The following GALNTL5 variants were observed in gnomAD, a reference collection of about 807,000 sequenced individuals.
GALNTL5 encodes polypeptide N-acetylgalactosaminyltransferase like 5.
Under a neutral mutation model 51.0 loss-of-function variants are expected in GALNTL5, and 44 were observed. The observed-to-expected ratio is 0.86, with a 90% CI of 0.68 to 1.11. The LOEUF (loss-of-function observed/expected upper bound fraction) is 1.11, where lower values mean the gene tolerates loss of function less well. Ranked by LOEUF, GALNTL5 falls within the 50% of genes least tolerant of loss-of-function variation. The pLI, the probability that GALNTL5 is intolerant of heterozygous loss-of-function variation, is 0.00. For synonymous variants in GALNTL5, 192 were observed against 182.8 expected (o/e 1.05, Z -0.41); for missense variants, 528 against 531.8 (o/e 0.99, Z 0.07).
rs145735293 is a variant in GALNTL5, at chr7:151,967,387, C to T, written c.141C>T (p.Ser47=). Residue 47 remains serine (S), a synonymous_variant, in exon 2 of 9, where the codon TCC becomes TCT. Coordinates refer to ENST00000392800, the MANE Select transcript of GALNTL5 (RefSeq NM_145292.4). The part of the protein sequence containing the change: ...KKSQEPLSAW[S]PGKKVHQQII... ...GCCAGGAGCCTCTGTCAGCTTGGTC[C>T]CCTGGAAAAAAAGTGCATCAGCAAA... 8.6e-5 allele frequency: 139 copies of T among 1,613,886 alleles called. 2 individuals carry two copies. The African/African-American group carries it at 1.7e-3, about 19-fold the overall frequency.
At chr7:152,018,322 G>T (rs1212201199) in intron 8 of GALNTL5, among the ~76,000 whole-genome samples, 1 of 152,156 alleles carries the variant, frequency 6.6e-6, no homozygotes, top group Non-Finnish European at 1.5e-5. Flanking sequence ...AAATGTATAC[G>T]AAAGTGCCTG....
intron 3 of GALNTL5, among the ~76,000 whole-genome samples, chr7:151,976,319 C>A (rs2081204317): frequency 6.6e-6 from 1 of 152,072 alleles, no homozygotes; most frequent in Non-Finnish European, 1.5e-5. Flanking sequence ...TACCAACTGG[C>A]AATATAATAT....
intron 5 of GALNTL5, among the ~76,000 whole-genome samples, chr7:151,987,498 C>T (rs1586830075): frequency 6.6e-6 from 1 of 152,062 alleles, no homozygotes; most frequent in Non-Finnish European, 1.5e-5. Context: ...GATATTCTTT[C>T]GCAGGGACGT....
intron 3 of GALNTL5, among the ~76,000 whole-genome samples, chr7:151,980,336 G>T (rs2081263349): frequency 6.6e-6 from 1 of 152,162 alleles, no homozygotes; most frequent in South Asian, 2.1e-4. Flanking sequence ...TGCCCGCCTT[G>T]GCCTCCCAAA....
intron 4 of GALNTL5, among the ~76,000 whole-genome samples, chr7:151,986,727 CTTTTT>C (rs5888461): frequency 3.0e-5 from 4 of 134,752 alleles, no homozygotes; most frequent in Non-Finnish European, 1.6e-5. Flanking sequence ...AAAATTCTAT[CTTTTT>C]TTTTTTTTTT....
chr7:151,966,304 G>A (rs1172909850), intron 1 of GALNTL5, among the ~76,000 whole-genome samples: 1 of 144,338 alleles, frequency 6.9e-6, no homozygotes, highest in African/African-American at 2.6e-5. Context: ...TTTCATTCTT[G>A]TTGCCCAGGC....
intron 3 of GALNTL5, among the ~76,000 whole-genome samples, chr7:151,978,899 C>T (rs2081239732): frequency 6.6e-6 from 1 of 152,126 alleles, no homozygotes; most frequent in Non-Finnish European, 1.5e-5. Flanking sequence ...ATCTCTACAA[C>T]AGCTCTTTTT....
intron 5 of GALNTL5, among the ~76,000 whole-genome samples, chr7:152,002,253 C>A (rs570267506): frequency 4.6e-5 from 7 of 151,668 alleles, no homozygotes; most frequent in African/African-American, 1.7e-4. Flanking sequence ...GCACTCCAGC[C>A]TGGGTGATAG....
At chr7:151,968,577 C>T (rs2081088645) in intron 2 of GALNTL5, among the ~76,000 whole-genome samples, 1 of 152,194 alleles carries the variant, frequency 6.6e-6, no homozygotes, top group South Asian at 2.1e-4. Context: ...GGCTCTCAGT[C>T]TTACCACTCG....
intron 7 of GALNTL5, 32 bp from the exon 8 acceptor site, chr7:152,014,612 A>AT: frequency 6.3e-7 from 1 of 1,576,038 alleles, no homozygotes; most frequent in East Asian, 2.3e-5. Flanking sequence ...GTAATAATGC[A>AT]TTCGTATGTT....
intron 8 of GALNTL5, among the ~76,000 whole-genome samples, chr7:152,019,364 G>A (rs7808913): frequency 0.41 from 62,788 of 152,026 alleles, 13,716 homozygotes; most frequent in African/African-American, 0.54. Flanking sequence ...AGGGGATACC[G>A]CAATAGGTGG....
chr7:151,992,507 G>A (rs1366098140), intron 5 of GALNTL5, among the ~76,000 whole-genome samples: 3 of 152,062 alleles, frequency 2.0e-5, no homozygotes, highest in South Asian at 4.1e-4. Context: ...CTGCAGCGGC[G>A]TCACCCTCGG....
At chr7:151,987,076 A>G (rs2081367546) in intron 4 of GALNTL5, 83 bp from the exon 5 acceptor site, 1 of 1,206,770 alleles carries the variant, frequency 8.3e-7, no homozygotes, top group Non-Finnish European at 1.1e-6. Context: ...CATGGATTTT[A>G]GGAATACGTC....
At chr7:151,973,145 G>T (rs1044274165) in intron 3 of GALNTL5, among the ~76,000 whole-genome samples, 1 of 152,068 alleles carries the variant, frequency 6.6e-6, no homozygotes, top group Non-Finnish European at 1.5e-5. Flanking sequence ...TGGAGTCAAA[G>T]GAGATCATTT....
At chr7:151,984,063 GC>G (rs1159316390) in intron 4 of GALNTL5, 5 of 152,084 alleles carry the variant, frequency 3.3e-5, no homozygotes, top group Admixed American at 2.6e-4. Context: ...AAAAAGCAGG[GC>G]ACGGGGGGTA....
chr7:152,019,054 AGTGT>A (rs1256990806), intron 8 of GALNTL5, among the ~76,000 whole-genome samples: 14 of 152,304 alleles, frequency 9.2e-5, no homozygotes, highest in Admixed American at 2.0e-4. Context: ...AAACTAACCA[AGTGT>A]GGTAATAATG....
chr7:151,968,549 A>C lies in GALNTL5; in HGVS notation c.247+1056A>C, dbSNP rs10268946. ...GGCAGGTCTCCTGCTCATTTCCCCG[A>C]GGTCACACCCTAATTCTGGCTCTCA... On this transcript the variant is annotated intron_variant, in intron 2 of 8. Coordinates refer to ENST00000392800, the MANE Select transcript of GALNTL5 (RefSeq NM_145292.4). Among the ~76,000 whole-genome samples the C allele has an allele frequency of 3.1e-3, 473 of 152,206 alleles. 3 individuals are homozygous for C. Among genetic ancestry groups the C allele is most frequent in the African/African-American group, 0.011 (457 of 41,524 alleles).
intron 2 of GALNTL5, among the ~76,000 whole-genome samples, chr7:151,968,596 G>A (rs1404714661): frequency 6.6e-6 from 1 of 152,224 alleles, no homozygotes; most frequent in Admixed American, 6.5e-5. Context: ...CGGATGGTGA[G>A]AGAAAGGAGA....
chr7:151,982,374 A>G (rs1321772511), intron 3 of GALNTL5, among the ~76,000 whole-genome samples: 3 of 152,210 alleles, frequency 2.0e-5, no homozygotes, highest in Non-Finnish European at 4.4e-5. Flanking sequence ...AGATGACACC[A>G]TTACACTCCA....
Sources: allele counts gnomAD v4.1 joint callset (sites outside exome capture counted in the v4.1 genomes callset), GRCh38; gene constraint gnomAD v4.1.1; transcripts MANE v1.5; gene names NCBI Gene and HGNC (gene_info 2026-07-23, HGNC 2026-07-21).